Variants in DPYD observed in about 807,000 individuals in gnomAD.
The protein encoded by DPYD is dihydropyrimidine dehydrogenase [NADP(+)].
A neutral mutation model predicts 116.2 loss-of-function variants in DPYD; 109 were observed. The ratio of observed to expected loss-of-function variants is 0.94; its 90% CI spans 0.80 to 1.10. DPYD has a LOEUF of 1.10. Ranked by LOEUF, DPYD falls within the 50% of genes least tolerant of loss-of-function variation. The probability of loss-of-function intolerance (pLI) is 0.00; values close to 1 mark genes in which losing one functional copy is unlikely to be tolerated. For synonymous variants in DPYD, 440 were observed against 432.0 expected, an observed-to-expected ratio of 1.02 and a Z score of -0.23; for missense variants, 1,302 against 1,254.5, an observed-to-expected ratio of 1.04 and a Z score of -0.57.
chr1:97,574,109 TC>T, intron 10 of DPYD, 139 bp from the exon 11 acceptor site: 1 of 1,417,346 alleles, frequency 7.1e-7, no homozygotes, highest in East Asian at 2.5e-5. Flanking sequence ...AACCTGAGTT[TC>T]AGTTACCAGT....
chr1:97,122,008 G>A (rs1329534022), intron 20 of DPYD, among the ~76,000 whole-genome samples: 3 of 152,122 alleles, frequency 2.0e-5, no homozygotes, highest in Non-Finnish European at 2.9e-5. Flanking sequence ...GGGAAATCAA[G>A]GAGGGTTTGT....
At chr1:97,737,782 CAT>C (rs1290072525) in intron 4 of DPYD, among the ~76,000 whole-genome samples, 1 of 151,992 alleles carries the variant, frequency 6.6e-6, no homozygotes, top group African/African-American at 2.4e-5. Flanking sequence ...TACACACACA[CAT>C]ACATGCATAC....
At chr1:97,855,959 G>C (rs1670818709) in intron 2 of DPYD, 2 of 152,348 alleles carry the variant, frequency 1.3e-5, no homozygotes, top group South Asian at 4.1e-4. Context: ...CTGGGCTACT[G>C]TTCTTGGAGA....
In DPYD at chr1:97,818,455, C is replaced by T. The variant is rs149907936; in HGVS notation, c.233+9659G>A. ...TATTTCTCACCTTTGAATTCTAATT[C>T]AAGTTTAAAGTGAAGGAAAAGATTC... On this transcript the variant is annotated intron_variant, in intron 3 of 22. Transcript: ENST00000370192. 6.6e-3 allele frequency among the ~76,000 whole-genome samples: 1,002 copies of T among 151,944 alleles called. 15 individuals carry two copies. The highest frequency in any genetic ancestry group is 0.023 in the African/African-American group (943 of 41,500).
intron 18 of DPYD, chr1:97,279,886 G>A (rs1023100333): frequency 6.6e-6 from 1 of 152,204 alleles, no homozygotes; most frequent in Non-Finnish European, 1.5e-5. Flanking sequence ...CTGAAAGCAA[G>A]GAAATGAAAT....
chr1:97,383,501 A>C (rs1055466480), intron 14 of DPYD, among the ~76,000 whole-genome samples: 2 of 151,812 alleles, frequency 1.3e-5, no homozygotes, highest in Non-Finnish European at 2.9e-5. Flanking sequence ...AAAAAAGAAA[A>C]AAAGAAAAGA....
chr1:97,352,226 C>T (rs1670183716), intron 16 of DPYD, among the ~76,000 whole-genome samples: 1 of 152,110 alleles, frequency 6.6e-6, no homozygotes. Flanking sequence ...GGCGTGTCCA[C>T]ACAAAGAGGA....
intron 19 of DPYD, among the ~76,000 whole-genome samples, chr1:97,207,646 A>G (rs1304469216): frequency 6.6e-6 from 1 of 152,178 alleles, no homozygotes; most frequent in Non-Finnish European, 1.5e-5. Context: ...ATCAAATCCA[A>G]TATATACAAT....
At chr1:97,852,569 T>C (rs1670628033) in intron 2 of DPYD, among the ~76,000 whole-genome samples, 1 of 152,142 alleles carries the variant, frequency 6.6e-6, no homozygotes, top group African/African-American at 2.4e-5. Flanking sequence ...AGTGTAGCCA[T>C]TGAGCAATGA....
chr1:97,407,202 A>C lies in DPYD; in HGVS notation c.1906-24741T>G, dbSNP rs181384032. ...AATAATAAAATAATGAAAACTCTTA[A>C]AATAATTACATGGAATGATGCACAA... On this transcript the variant is annotated intron_variant, in intron 14 of 22. Coordinates refer to ENST00000370192, the MANE Select transcript of DPYD (RefSeq NM_000110.4). Among the ~76,000 whole-genome samples the C allele has an allele frequency of 1.6e-3, 238 of 152,342 alleles. 1 individual carries two copies. The highest frequency in any genetic ancestry group is 0.01 in the Middle Eastern group (3 of 294).
intron 18 of DPYD, among the ~76,000 whole-genome samples, chr1:97,253,637 C>G (rs1010531286): frequency 1.3e-5 from 2 of 152,034 alleles, no homozygotes; most frequent in African/African-American, 4.8e-5. Context: ...GGTTTTGGCA[C>G]AAAAACTTTC....
intron 12 of DPYD, among the ~76,000 whole-genome samples, chr1:97,527,230 C>G (rs1301040701): frequency 2.0e-5 from 3 of 152,084 alleles, no homozygotes; most frequent in Non-Finnish European, 4.4e-5. Context: ...AGGCGCCTGC[C>G]ACCACGCCCA....
intron 3 of DPYD, among the ~76,000 whole-genome samples, chr1:97,751,028 CAAT>C (rs1454859097): frequency 6.6e-6 from 1 of 151,758 alleles, no homozygotes; most frequent in Non-Finnish European, 1.5e-5. Flanking sequence ...TAAGCTGAAA[CAAT>C]AGTGAAAAAA....
intron 8 of DPYD, among the ~76,000 whole-genome samples, chr1:97,678,306 T>A (rs986414693): frequency 4.6e-5 from 7 of 152,332 alleles, no homozygotes; most frequent in Admixed American, 2.6e-4. Context: ...TAATGCTCGC[T>A]TGCCCACTAT....
At chr1:97,189,520 T>C (rs539196939) in intron 20 of DPYD, among the ~76,000 whole-genome samples, 141 of 152,332 alleles carry the variant, frequency 9.3e-4, no homozygotes, top group African/African-American at 3.3e-3. Flanking sequence ...CTGTCCAATT[T>C]CTTTCATGTT....
chr1:97,758,213 T>C (rs533968789), intron 3 of DPYD, among the ~76,000 whole-genome samples: 43 of 152,306 alleles, frequency 2.8e-4, no homozygotes, highest in African/African-American at 9.4e-4. Context: ...TTTAACAAAC[T>C]ACTTAACCTC....
intron 19 of DPYD, among the ~76,000 whole-genome samples, chr1:97,219,335 A>G (rs1165586380): frequency 6.6e-6 from 1 of 152,198 alleles, no homozygotes; most frequent in Admixed American, 6.5e-5. Flanking sequence ...TCTCATCTGA[A>G]CCCTTGGGAA....
Position 97,699,423 on chromosome 1 carries a change from G to T in DPYD, c.608C>A (p.Ala203Asp). 1.2e-6 allele frequency: 2 copies of T among 1,613,694 alleles called. No individual in the cohort carries two copies. Among genetic ancestry groups the T allele is most frequent in the East Asian group, 4.5e-5 (2 of 44,858 alleles). Residue 203 changes from alanine (A) to aspartate (D), a missense_variant, in exon 6 of 23, where the codon GCT becomes GAT. Ala to Asp is a moderately radical substitution (Grantham distance 126). Transcript: ENST00000370192. Reference protein sequence around the residue: ...FGAGPASISCASFLARLGYSD... With the variant: ...FGAGPASISCDSFLARLGYSD... ...GTACCCCAATCGAGCCAAAAAGGAA[G>T]CACAACTTATACTTGCAGGCCCAGC...
chr1:97,223,408 CACACACACACAA>C (rs1334622982), intron 19 of DPYD, among the ~76,000 whole-genome samples: 2 of 121,496 alleles, frequency 1.6e-5, no homozygotes, highest in Admixed American at 8.8e-5. Flanking sequence ...CACACACACA[CACACACACACAA>C]ACACACACAC....
Sources: gnomAD v4.1 joint callset for allele counts (sites outside exome capture counted in the v4.1 genomes callset) on GRCh38, gnomAD v4.1.1 for gene constraint, MANE v1.5 for transcripts, NCBI Gene and HGNC (gene_info 2026-07-23, HGNC 2026-07-21) for gene names.